DCC: variants seen among roughly 807,000 people sequenced by gnomAD.
The protein encoded by DCC is netrin receptor DCC.
A neutral mutation model predicts 172.5 loss-of-function variants in DCC; 58 were observed. The observed-to-expected ratio is 0.34, with a 90% CI of 0.27 to 0.42. DCC has a LOEUF of 0.42. Ranked by LOEUF, DCC falls within the 10% of genes least tolerant of loss-of-function variation. DCC has a pLI of 1.00. For missense variants in DCC, 1,740 were observed against 1,791.0 expected, an observed-to-expected ratio of 0.97 and a Z score of 0.51; for synonymous variants, 709 against 644.5, an observed-to-expected ratio of 1.10 and a Z score of -1.52.
At chr18:53,461,888 G>T (rs2045564015) in intron 24 of DCC, among the ~76,000 whole-genome samples, 1 of 152,154 alleles carries the variant, frequency 6.6e-6, no homozygotes, top group South Asian at 2.1e-4. Context: ...GGGACTGGGG[G>T]TCAGAATTTG....
At chr18:53,106,426 T>C (rs2043248744) in intron 7 of DCC, among the ~76,000 whole-genome samples, 1 of 151,920 alleles carries the variant, frequency 6.6e-6, no homozygotes, top group Non-Finnish European at 1.5e-5. Context: ...TGTTATTCTC[T>C]CCAGGTCCAG....
chr18:52,477,244 T>C (rs1989120471), intron 1 of DCC, among the ~76,000 whole-genome samples: 1 of 152,136 alleles, frequency 6.6e-6, no homozygotes, highest in African/African-American at 2.4e-5. Flanking sequence ...CCCTGCATCA[T>C]GCGAAGAGAT....
intron 12 of DCC, among the ~76,000 whole-genome samples, chr18:53,303,721 G>A (rs539834147): frequency 1.3e-5 from 2 of 152,252 alleles, no homozygotes; most frequent in East Asian, 1.9e-4. Flanking sequence ...GCATCTAGGG[G>A]TTGCTGTCTG....
intron 3 of DCC, among the ~76,000 whole-genome samples, chr18:52,917,318 G>T (rs879893874): frequency 1.3e-5 from 2 of 151,868 alleles, no homozygotes; most frequent in Non-Finnish European, 2.9e-5. Flanking sequence ...GACAGACTCT[G>T]TTTCAAAAAG....
chr18:53,138,402 A>G (rs2043779309), intron 7 of DCC, among the ~76,000 whole-genome samples: 2 of 152,220 alleles, frequency 1.3e-5, no homozygotes, highest in South Asian at 2.1e-4. Context: ...ATGGTTGCCT[A>G]CTATTCATAA....
At chr18:53,308,499 T>C (rs1266237223) in intron 13 of DCC, among the ~76,000 whole-genome samples, 1 of 152,194 alleles carries the variant, frequency 6.6e-6, no homozygotes, top group East Asian at 1.9e-4. Context: ...TGAAGATTTC[T>C]TCCCACTAAT....
intron 1 of DCC, among the ~76,000 whole-genome samples, chr18:52,514,605 G>A (rs924467441): frequency 4.6e-5 from 7 of 152,206 alleles, no homozygotes; most frequent in African/African-American, 7.2e-5. Flanking sequence ...TCCTTAAAAT[G>A]TGAACTCTGT....
At chr18:52,404,059 C>G (rs985066395) in intron 1 of DCC, among the ~76,000 whole-genome samples, 1 of 152,024 alleles carries the variant, frequency 6.6e-6, no homozygotes, top group African/African-American at 2.4e-5. Flanking sequence ...ATGTCTTTGG[C>G]TAGACAGAAG....
At chr18:52,529,686 C>A (rs2032090213) in intron 1 of DCC, among the ~76,000 whole-genome samples, 1 of 152,172 alleles carries the variant, frequency 6.6e-6, no homozygotes, top group East Asian at 1.9e-4. Context: ...CAGACTCTGT[C>A]CAATTATTAC....
At chr18:53,357,887 A>C (rs192932430) in intron 15 of DCC, among the ~76,000 whole-genome samples, 1 of 152,276 alleles carries the variant, frequency 6.6e-6, no homozygotes, top group African/African-American at 2.4e-5. Flanking sequence ...TTCTAGAAGG[A>C]AATTCATTTA....
intron 15 of DCC, among the ~76,000 whole-genome samples, chr18:53,342,399 C>A (rs1028987530): frequency 6.6e-6 from 1 of 151,820 alleles, no homozygotes; most frequent in African/African-American, 2.4e-5. Flanking sequence ...ATGATATAGA[C>A]CCAAAATTAA....
intron 7 of DCC, among the ~76,000 whole-genome samples, chr18:53,151,135 T>C (rs983360267): frequency 5.9e-5 from 9 of 152,332 alleles, no homozygotes; most frequent in Admixed American, 1.3e-4. Context: ...AATAATTGGA[T>C]GCATAAATTC....
intron 1 of DCC, among the ~76,000 whole-genome samples, chr18:52,439,312 T>A (rs1005458988): frequency 6.6e-6 from 1 of 151,746 alleles, no homozygotes; most frequent in Admixed American, 6.6e-5. Flanking sequence ...AAACTTAAGT[T>A]TAAGTGAAGA....
At chr18:53,436,765 TAA>T (rs1250981162) in intron 22 of DCC, among the ~76,000 whole-genome samples, 1 of 152,170 alleles carries the variant, frequency 6.6e-6, no homozygotes, top group Admixed American at 6.5e-5. Context: ...CTGCTGCTAT[TAA>T]AAAATACCCC....
intron 1 of DCC, among the ~76,000 whole-genome samples, chr18:52,466,852 C>G (rs889242930): frequency 6.6e-6 from 1 of 152,118 alleles, no homozygotes; most frequent in Admixed American, 6.6e-5. Context: ...TTCATATACA[C>G]TTGTTACAAC....
At chr18:53,106,812 T>A (rs1417148139) in intron 7 of DCC, among the ~76,000 whole-genome samples, 1 of 151,902 alleles carries the variant, frequency 6.6e-6, no homozygotes, top group East Asian at 1.9e-4. Context: ...GCACAATACT[T>A]GTTTCAATAT....
chr18:52,882,644 T>G (rs912479213), intron 2 of DCC, among the ~76,000 whole-genome samples: 1 of 152,172 alleles, frequency 6.6e-6, no homozygotes, highest in Non-Finnish European at 1.5e-5. Flanking sequence ...ATTAGTTTCA[T>G]TTTTTGAAAT....
intron 1 of DCC, among the ~76,000 whole-genome samples, chr18:52,454,750 A>G (rs1463196295): frequency 1.3e-5 from 2 of 152,186 alleles, no homozygotes; most frequent in Non-Finnish European, 2.9e-5. Flanking sequence ...TTAGCTTTGA[A>G]GGTGACATTT....
intron 1 of DCC, among the ~76,000 whole-genome samples, chr18:52,595,269 C>G (rs2033885370): frequency 1.3e-5 from 2 of 151,666 alleles, no homozygotes; most frequent in South Asian, 4.2e-4. Flanking sequence ...ATTCCATCCC[C>G]AAAGAAGGCT....
Sources: gnomAD v4.1 joint callset for allele counts (sites outside exome capture counted in the v4.1 genomes callset) on GRCh38, gnomAD v4.1.1 for gene constraint, MANE v1.5 for transcripts, NCBI Gene and HGNC (gene_info 2026-07-23, HGNC 2026-07-21) for gene names.